ARPC1A: variants seen among roughly 807,000 people sequenced by gnomAD.
ARPC1A encodes actin related protein 2/3 complex subunit 1A.
A neutral mutation model predicts 46.9 loss-of-function variants in ARPC1A; 8 were observed. The observed-to-expected ratio is 0.17, with a 90% CI of 0.10 to 0.31. The LOEUF is 0.31. Ranked by LOEUF, ARPC1A falls within the 10% of genes least tolerant of loss-of-function variation. The pLI is 1.00. For missense variants in ARPC1A, 286 were observed against 483.6 expected, an observed-to-expected ratio of 0.59 and a Z score of 3.83; for synonymous variants, 152 against 169.0, an observed-to-expected ratio of 0.90 and a Z score of 0.78.
At chr7:99,336,561 G>A (rs571018283) in intron 2 of ARPC1A, among the ~76,000 whole-genome samples, 2 of 139,838 alleles carry the variant, frequency 1.4e-5, no homozygotes, top group East Asian at 2.2e-4. Flanking sequence ...ACGTGATCTC[G>A]GCCCAAAATG....
intron 3 of ARPC1A, among the ~76,000 whole-genome samples, chr7:99,341,730 G>A (rs1362115379): frequency 2.6e-5 from 4 of 152,018 alleles, no homozygotes; most frequent in African/African-American, 9.7e-5. Flanking sequence ...ATTTAGTTAT[G>A]TGTTTTTTTC....
intron 4 of ARPC1A, among the ~76,000 whole-genome samples, chr7:99,347,896 T>C (rs1392030624): frequency 6.6e-6 from 1 of 151,932 alleles, no homozygotes; most frequent in Non-Finnish European, 1.5e-5. Context: ...GGAAAGGCAT[T>C]GGCTCAATAT....
intron 1 of ARPC1A, among the ~76,000 whole-genome samples, chr7:99,330,790 A>T: frequency 6.6e-6 from 1 of 152,170 alleles, no homozygotes; most frequent in East Asian, 1.9e-4. Flanking sequence ...TTAACATGAC[A>T]CATACTTACG....
intron 3 of ARPC1A, 90 bp downstream of exon 3, chr7:99,338,375 A>T: frequency 1.4e-6 from 1 of 699,730 alleles, no homozygotes. Context: ...CCAGGTGGCC[A>T]TAATTTTTTT....
At chr7:99,364,364 T>G (rs1793793182) in intron 9 of ARPC1A, among the ~76,000 whole-genome samples, 3 of 149,160 alleles carry the variant, frequency 2.0e-5, no homozygotes, top group Admixed American at 6.8e-5. Context: ...CCTCCGCCTC[T>G]GGGGTTCAAG....
intron 6 of ARPC1A, among the ~76,000 whole-genome samples, chr7:99,356,605 CAAA>C (rs569874360): frequency 4.1e-5 from 4 of 98,642 alleles, no homozygotes; most frequent in Non-Finnish European, 2.1e-5. Context: ...GACTCTGTCT[CAAA>C]AAAAAAAAAA....
intron 3 of ARPC1A, among the ~76,000 whole-genome samples, chr7:99,340,330 T>C (rs1793337284): frequency 6.6e-6 from 1 of 152,134 alleles, no homozygotes; most frequent in Non-Finnish European, 1.5e-5. Flanking sequence ...GCCCAGCTAA[T>C]TTTTGTATTT....
intron 8 of ARPC1A, among the ~76,000 whole-genome samples, chr7:99,360,957 A>G (rs929378415): frequency 2.6e-5 from 4 of 151,732 alleles, no homozygotes; most frequent in Non-Finnish European, 5.9e-5. Context: ...AAAAAAAAAA[A>G]AAGGCACCTG....
At position 99,363,598 on chromosome 7, in the gene ARPC1A, G is replaced by A; in HGVS notation, c.1039G>A (p.Gly347Ser). ...KQDCRKFCTT[G>S]IDGAMTIWDF... Reference sequence around the variant, plus strand: ...AGATTGTCGCAAATTTTGCACTACTGGCATCGATGGAGCCATGACAATTTG... The same window carrying A: ...AGATTGTCGCAAATTTTGCACTACTAGCATCGATGGAGCCATGACAATTTG... Residue 347 changes from glycine to serine, a missense_variant, in exon 9 of 10, where the codon GGC (glycine) becomes AGC (serine). Physicochemically the swap from Gly to Ser is moderately conservative, Grantham distance 56. Around this residue, in one of 5 missense-constraint regions of ARPC1A, gnomAD observed 182 missense variants for 276.7 expected, o/e 0.66. Transcript: ENST00000262942. 1 of 1,612,610 alleles carries A rather than the reference G, an allele frequency of 6.2e-7. No individual in the cohort carries two copies. The highest frequency in any genetic ancestry group is 8.5e-7 in the Non-Finnish European group (1 of 1,179,718).
chr7:99,358,356 A>G lies in ARPC1A; in HGVS notation c.730A>G (p.Thr244Ala), dbSNP rs959257298. The part of the protein sequence containing the change: ...SKSVQVSTLK[T>A]EFLPLLSVSF... The stretch of plus-strand genomic sequence containing the variant: ...TGTGTTCAGGGTCTCGACTCTGAAG[A>G]CAGAGTTCCTGCCGCTCCTAAGTGT... The change falls in exon 7 of 10, where the codon ACA becomes GCA. Residue 244 changes from threonine to alanine, a missense_variant. Thr to Ala is a moderately conservative substitution (Grantham distance 58, BLOSUM62 0). This residue lies in a region of ARPC1A where 182 missense variants were observed against 276.7 expected (regional missense o/e 0.66). Coordinates refer to ENST00000262942, the MANE Select transcript of ARPC1A (RefSeq NM_006409.4). The G allele has an allele frequency of 2.5e-6, 4 of 1,614,108 alleles. No individual in the cohort carries two copies. The highest frequency in any genetic ancestry group is 1.3e-5 in the African/African-American group (1 of 75,024).
chr7:99,333,933 TCAAGAC>T (rs1329318011), intron 2 of ARPC1A, among the ~76,000 whole-genome samples: 2 of 150,926 alleles, frequency 1.3e-5, no homozygotes, highest in African/African-American at 4.9e-5. Context: ...GCTCAAGAGT[TCAAGAC>T]CAACCTGAGC....
intron 6 of ARPC1A, 150 bp downstream of exon 6, chr7:99,354,271 C>G (rs964922010): frequency 1.2e-5 from 11 of 909,592 alleles, no homozygotes; most frequent in Middle Eastern, 2.9e-4. Flanking sequence ...GCCTGTAATC[C>G]CAGCACTTTG....
intron 2 of ARPC1A, among the ~76,000 whole-genome samples, chr7:99,336,030 T>A (rs2150860772): frequency 6.6e-6 from 1 of 152,182 alleles, no homozygotes; most frequent in South Asian, 2.1e-4. Flanking sequence ...ATTTAGAGCA[T>A]GTGTTTTGTG....
chr7:99,365,914 C>T lies in ARPC1A; in HGVS notation c.1098C>T (p.Gly366=), dbSNP rs1311497541. The change falls in exon 10 of 10, where the codon GGC becomes GGT. Residue 366 remains glycine, a synonymous_variant. Coordinates refer to ENST00000262942, the MANE Select transcript of ARPC1A (RefSeq NM_006409.4). ...AGACCCTCGAGTCTTCCATCCAGGG[C>T]CTCCGGATAATGTGAAGCTGAGTGA... ...DFKTLESSIQ[G]LRIM is the part of the protein sequence containing the mutation. The T allele has an allele frequency of 2.5e-6, 4 of 1,575,108 alleles. No individual in the cohort carries two copies. Among genetic ancestry groups the T allele is most frequent in the Non-Finnish European group, 3.5e-6 (4 of 1,158,214 alleles).
chr7:99,356,356 G>A (rs1416973002), intron 6 of ARPC1A, among the ~76,000 whole-genome samples: 1 of 152,198 alleles, frequency 6.6e-6, no homozygotes, highest in Non-Finnish European at 1.5e-5. Context: ...TGTAATCCCA[G>A]CACTTTGGGA....
At chr7:99,351,452 C>T (rs975535204) in intron 5 of ARPC1A, among the ~76,000 whole-genome samples, 1 of 152,062 alleles carries the variant, frequency 6.6e-6, no homozygotes, top group African/African-American at 2.4e-5. Flanking sequence ...CTCCTGGCCT[C>T]GAGCTATCCA....
rs997754719 is a variant in ARPC1A at position 99,346,031 on chromosome 7, C to T, written c.392+1516C>T. ...GAGTTCGAGACCAGCCTGACCAACACGGATAAACCCTGTCTCTACTAAAAA... is the reference window on the plus strand; with the variant it reads ...GAGTTCGAGACCAGCCTGACCAACATGGATAAACCCTGTCTCTACTAAAAA... On this transcript the variant is annotated intron_variant, in intron 4 of 9. Transcript: ENST00000262942. 3.3e-5 allele frequency among the ~76,000 whole-genome samples: 5 copies of T among 151,992 alleles called. No individual in the cohort carries two copies. The East Asian group carries it at 7.7e-4, about 24-fold the overall frequency.
Position 99,354,119 on chromosome 7 carries a change from G to T in ARPC1A, c.711G>T (p.Val237=), listed in dbSNP as rs757035802. ...CTGTTGCTGATGCCTCAAAAAGTGT[G>T]CAGTGAGTATTTGCCTTTCATTTGG... is the stretch of plus-strand genomic sequence containing the variant. The part of the protein sequence containing the change: ...TVSVADASKS[V]QVSTLKTEFL... The change falls in exon 6 of 10, where the codon GTG becomes GTT. Residue 237 remains valine, a splice_region_variant and synonymous_variant. Transcript: ENST00000262942. 6.2e-7 allele frequency: 1 copy of T among 1,613,202 alleles called. No homozygotes were observed. The highest frequency in any genetic ancestry group is 2.2e-5 in the East Asian group (1 of 44,852).
At chr7:99,347,310 A>G (rs571090236) in intron 4 of ARPC1A, among the ~76,000 whole-genome samples, 3 of 152,258 alleles carry the variant, frequency 2.0e-5, no homozygotes, top group African/African-American at 4.8e-5. Flanking sequence ...TACTCAAGCA[A>G]TCCTTCTGCT....
Sources: gnomAD v4.1 joint callset for allele counts (sites outside exome capture counted in the v4.1 genomes callset) on GRCh38, gnomAD v4.1.1 for gene constraint, gnomAD v4.1.1 regional missense constraint, MANE v1.5 for transcripts, NCBI Gene and HGNC (gene_info 2026-07-23, HGNC 2026-07-21) for gene names.